The following NRL variants were observed in gnomAD, a reference collection of about 807,000 sequenced individuals.
NRL encodes neural retina leucine zipper, also known as neural retina-specific leucine zipper protein.
Under a neutral mutation model 12.5 loss-of-function variants are expected in NRL, and 16 were observed. The ratio of observed to expected loss-of-function variants is 1.28; its 90% CI spans 0.87 to 1.95. The LOEUF is 1.95. Among genes scored for constraint, NRL ranks in the 30% most tolerant of loss-of-function variants. The pLI is 0.00. For missense variants in NRL, 314 were observed against 325.8 expected, an observed-to-expected ratio of 0.96 and a Z score of 0.28; for synonymous variants, 142 against 150.9, an observed-to-expected ratio of 0.94 and a Z score of 0.43.
intron 1 of NRL, chr14:24,099,044 C>G (rs2037030900): frequency 1.3e-6 from 2 of 1,596,672 alleles, no homozygotes; most frequent in African/African-American, 2.7e-5. Context: ...CCCCATTGTC[C>G]CCAGGGGAGC....
chr14:24,095,714 T>G (rs2036843059), intron 1 of NRL, among the ~76,000 whole-genome samples: 1 of 152,172 alleles, frequency 6.6e-6, no homozygotes, highest in Non-Finnish European at 1.5e-5. Flanking sequence ...GTCTTTGCTC[T>G]CTCGGGTTTA....
intron 1 of NRL, chr14:24,098,731 G>A (rs950736644): frequency 2.0e-6 from 3 of 1,488,072 alleles, no homozygotes; most frequent in Non-Finnish European, 1.9e-6. Context: ...TGTACTCAGA[G>A]GAAATCCCAA....
chr14:24,087,589 C>T (rs544394287), intron 1 of NRL, among the ~76,000 whole-genome samples: 1 of 152,334 alleles, frequency 6.6e-6, no homozygotes, highest in South Asian at 2.1e-4. Context: ...CTCATGGTAT[C>T]TAGATCTTCA....
At chr14:24,099,299 T>C (rs1218214434) in intron 1 of NRL, 44 of 1,475,050 alleles carry the variant, frequency 3.0e-5, no homozygotes, top group Non-Finnish European at 8.3e-6. Context: ...GCCTGGCCAG[T>C]CTGCCTCAGC....
chr14:24,083,917 T>G (rs144183829), intron 1 of NRL, among the ~76,000 whole-genome samples: 3 of 152,208 alleles, frequency 2.0e-5, no homozygotes, highest in Non-Finnish European at 4.4e-5. Flanking sequence ...ATGGGGCACA[T>G]GTTCACCTGA....
chr14:24,093,266 T>C (rs1012412240), intron 1 of NRL: 1 of 152,258 alleles, frequency 6.6e-6, no homozygotes, highest in Non-Finnish European at 1.5e-5. Flanking sequence ...GTGGGTGATA[T>C]CCAGTGGTCT....
Position 24,082,463 on chromosome 14 carries a change from C to G in NRL, c.381+5G>C, listed in dbSNP as rs1365474371. The G allele has an allele frequency of 1.2e-6, 2 of 1,612,178 alleles. No individual in the cohort carries two copies. Among genetic ancestry groups the G allele is most frequent in the Non-Finnish European group, 1.7e-6 (2 of 1,180,052 alleles). On this transcript the variant is annotated splice_donor_5th_base_variant and intron_variant, in intron 2 of 2. Transcript: ENST00000561028. ...TCCCCTCAGGCCAGCTTGCTGACCA[C>G]TCACCTGGACGTGCTGGGCTCCTGT...
At chr14:24,103,060 G>C (rs547327387) in intron 1 of NRL, 5 of 1,192,408 alleles carry the variant, frequency 4.2e-6, no homozygotes, top group Middle Eastern at 3.8e-4. Flanking sequence ...TGGGATAGCC[G>C]AGGTCTTAGG....
rs1211898073 is a variant in NRL, at chr14:24,080,310, T to C, written c.*926A>G. ...GAGGCCCAGACAGCCTGGAGGGAGC[T>C]GCCGAGGACCCACGTATGTGCTCAC... On this transcript the variant is annotated 3_prime_UTR_variant, in exon 3 of 3. Coordinates refer to ENST00000561028, the MANE Select transcript of NRL (RefSeq NM_001354768.3). The C allele has an allele frequency of 6.6e-6, 1 of 152,190 alleles. No individual in the cohort carries two copies. Among genetic ancestry groups the C allele is most frequent in the Non-Finnish European group, 1.5e-5 (1 of 68,052 alleles). The allele number at this position is 152,190 out of a possible 1,614,324, so 9.4% of individuals were successfully genotyped here.
intron 1 of NRL, chr14:24,098,420 C>G (rs759240399): frequency 1.9e-6 from 3 of 1,611,966 alleles, no homozygotes; most frequent in Middle Eastern, 1.7e-4. Context: ...GGCAAGGGCA[C>G]GGAAGATGTG....
chr14:24,108,640 G>A (rs2037374877), intron 1 of NRL, among the ~76,000 whole-genome samples: 2 of 151,890 alleles, frequency 1.3e-5, no homozygotes, highest in South Asian at 4.2e-4. Flanking sequence ...CCACTAAAGG[G>A]TATTTACTTA....
chr14:24,087,266 G>C (rs1225766196), intron 1 of NRL, among the ~76,000 whole-genome samples: 2 of 152,192 alleles, frequency 1.3e-5, no homozygotes, highest in African/African-American at 4.8e-5. Flanking sequence ...AGAACAGTAA[G>C]AGTGGTAGAA....
intron 1 of NRL, among the ~76,000 whole-genome samples, chr14:24,093,818 G>A (rs2036719163): frequency 6.6e-6 from 1 of 152,146 alleles, no homozygotes; most frequent in Non-Finnish European, 1.5e-5. Context: ...GGGGATTTAG[G>A]AGTTGGGGAC....
chr14:24,096,440 T>C (rs2036888800), intron 1 of NRL, among the ~76,000 whole-genome samples: 1 of 152,106 alleles, frequency 6.6e-6, no homozygotes, highest in Non-Finnish European at 1.5e-5. Context: ...TTTCACCATG[T>C]TGCCCAGTAT....
In NRL at chr14:24,079,708, G is replaced by A. The variant is rs925442393; in HGVS notation, c.*1528C>T. On this transcript the variant is annotated 3_prime_UTR_variant, in exon 3 of 3. Transcript: ENST00000561028. ...GGAGCCTCTTCCCCCATGCCCGAAA[G>A]CTTCTCCCATTTATTATGTCCGGTA... Among the ~76,000 whole-genome samples, 1 of 152,194 alleles carries A rather than the reference G, an allele frequency of 6.6e-6. No individual in the cohort carries two copies. The highest frequency in any genetic ancestry group is 2.4e-5 in the African/African-American group (1 of 41,446).
At position 24,085,886 on chromosome 14, in the gene NRL, G is replaced by T. The variant is rs1420054619; in HGVS notation, c.-27-3011C>A. Among the ~76,000 whole-genome samples the T allele has an allele frequency of 3.9e-5, 6 of 152,192 alleles. No individual in the cohort carries two copies. Among genetic ancestry groups the T allele is most frequent in the African/African-American group, 1.4e-4 (6 of 41,444 alleles). On this transcript the variant is annotated intron_variant, in intron 1 of 2. Coordinates refer to ENST00000561028, the MANE Select transcript of NRL (RefSeq NM_001354768.3). The surrounding 1 kb of genome is among the most constrained non-coding windows in gnomAD (Gnocchi z 4.1). ...CTGAGTCAGAAACTCCGGGGGTGGG[G>T]CCCAGAAATCTGTGTTTTAAGGCCC...
At chr14:24,103,001 G>C (rs1281522805) in intron 1 of NRL, 1 of 1,324,986 alleles carries the variant, frequency 7.5e-7, no homozygotes, top group Non-Finnish European at 1.1e-6. Flanking sequence ...TTTCTCCAGA[G>C]TTCTCCCCTG....
At chr14:24,087,962 A>G (rs1417231067) in intron 1 of NRL, among the ~76,000 whole-genome samples, 1 of 152,084 alleles carries the variant, frequency 6.6e-6, no homozygotes, top group Non-Finnish European at 1.5e-5. Context: ...GGGGAGGATG[A>G]GGGTGCAGTG....
At position 24,085,007 on chromosome 14, in the gene NRL, C is replaced by T. The variant is rs749181727; in HGVS notation, c.-27-2132G>A. 1.2e-4 allele frequency among the ~76,000 whole-genome samples: 18 copies of T among 152,174 alleles called. No individual in the cohort carries two copies. The highest frequency in any genetic ancestry group is 1.8e-4 in the Non-Finnish European group (12 of 68,030). On this transcript the variant is annotated intron_variant, in intron 1 of 2. Coordinates refer to ENST00000561028, the MANE Select transcript of NRL (RefSeq NM_001354768.3). The surrounding 1 kb of genome is among the most constrained non-coding windows in gnomAD (Gnocchi z 4.1). ...ACCCCCACCTTCCAAGGCCCTGCAGCCCCTCATCTGTCTTTGGAGACTATA... is the reference window on the plus strand; with the variant it reads ...ACCCCCACCTTCCAAGGCCCTGCAGTCCCTCATCTGTCTTTGGAGACTATA...
Sources: gnomAD v4.1 joint callset for allele counts (sites outside exome capture counted in the v4.1 genomes callset) on GRCh38, gnomAD v4.1.1 for gene constraint, Gnocchi (gnomAD v3.1) non-coding constraint, MANE v1.5 for transcripts, NCBI Gene and HGNC (gene_info 2026-07-23, HGNC 2026-07-21) for gene names.